POLR3B: variants seen among roughly 807,000 people sequenced by gnomAD.
POLR3B encodes the protein DNA-directed RNA polymerase III subunit RPC2.
POLR3B carries 96 observed loss-of-function variants against 147.4 expected under a neutral mutation model. The observed-to-expected ratio is 0.65, with a 90% CI of 0.55 to 0.77. The LOEUF is 0.77. Ranked by LOEUF, POLR3B falls within the 30% of genes least tolerant of loss-of-function variation. The pLI is 0.00. For synonymous variants in POLR3B, 461 were observed against 485.9 expected, an observed-to-expected ratio of 0.95 and a Z score of 0.67; for missense variants, 1,036 against 1,413.5, an observed-to-expected ratio of 0.73 and a Z score of 4.28.
At chr12:106,425,699 C>G (rs10778469) in intron 12 of POLR3B, among the ~76,000 whole-genome samples, 35,456 of 152,030 alleles carry the variant, frequency 0.23, 4,516 homozygotes, top group African/African-American at 0.32. Flanking sequence ...GTGGACACTT[C>G]TTGTGCCTGG....
chr12:106,506,903 G>A (rs948790212), intron 27 of POLR3B, among the ~76,000 whole-genome samples: 2 of 152,156 alleles, frequency 1.3e-5, no homozygotes, highest in Admixed American at 1.3e-4. Context: ...GGTTGAGTGG[G>A]AGGGAGCATG....
intron 19 of POLR3B, among the ~76,000 whole-genome samples, chr12:106,453,907 CCA>C (rs2037831929): frequency 1.3e-5 from 2 of 152,136 alleles, no homozygotes; most frequent in Admixed American, 6.6e-5. Context: ...CATTTTATCT[CCA>C]GTTTTTGGCA....
chr12:106,429,506 A>C (rs555906592), intron 13 of POLR3B, among the ~76,000 whole-genome samples: 1 of 152,274 alleles, frequency 6.6e-6, no homozygotes, highest in South Asian at 2.1e-4. Context: ...TAAATTTCAA[A>C]AATTTCTAAT....
chr12:106,379,998 G>A (rs780717960), intron 8 of POLR3B, 33 bp from the exon 9 acceptor site: 7 of 1,248,232 alleles, frequency 5.6e-6, no homozygotes, highest in Middle Eastern at 1.8e-4. Context: ...ACTAAGTGGG[G>A]ATGCAGTTTA....
intron 13 of POLR3B, 125 bp from the exon 14 acceptor site, chr12:106,430,148 T>G: frequency 1.3e-6 from 1 of 779,122 alleles, no homozygotes; most frequent in Non-Finnish European, 2.3e-6. Context: ...GATTTCTGAA[T>G]ATATGTCATG....
chr12:106,449,220 G>C (rs1476127590), intron 19 of POLR3B, among the ~76,000 whole-genome samples: 1 of 152,116 alleles, frequency 6.6e-6, no homozygotes, highest in Non-Finnish European at 1.5e-5. Context: ...TAATAATTTT[G>C]TACATGAAGC....
At chr12:106,505,980 C>T (rs1299247108) in intron 27 of POLR3B, among the ~76,000 whole-genome samples, 1 of 152,158 alleles carries the variant, frequency 6.6e-6, no homozygotes, top group Non-Finnish European at 1.5e-5. Context: ...TGAAGACTCT[C>T]GTCTGTAAGG....
chr12:106,381,979 C>G (rs932616276), intron 9 of POLR3B: 1 of 152,230 alleles, frequency 6.6e-6, no homozygotes, highest in African/African-American at 2.4e-5. Context: ...TGTAAACTGT[C>G]ACTGCGCTAG....
chr12:106,387,350 C>T (rs940969691), intron 9 of POLR3B, among the ~76,000 whole-genome samples: 3 of 152,130 alleles, frequency 2.0e-5, no homozygotes, highest in African/African-American at 7.2e-5. Context: ...ATTTAGGCGT[C>T]ATTTTTTTCC....
Position 106,496,096 on chromosome 12 carries a change from TG to T in POLR3B, c.2756del (p.Cys919LeufsTer11). The T allele has an allele frequency of 1.2e-6, 2 of 1,613,446 alleles. No individual in the cohort carries two copies. Among genetic ancestry groups the T allele is most frequent in the Non-Finnish European group, 1.7e-6 (2 of 1,179,328 alleles). On this transcript the variant is annotated frameshift_variant, in exon 24 of 28. Coordinates refer to ENST00000228347, the MANE Select transcript of POLR3B (RefSeq NM_018082.6). LOFTEE classifies it high-confidence loss of function. Reference protein sequence around the residue: ...LIVPQEDMPFCDSGICPDIIM... With the variant: ...LIVPQEDMPFXDSGICPDIIM... ...CGTCCCCCAGGAAGACATGCCATTTTGTGATTCTGGCATCTGTCCGGACATC... is the reference window on the plus strand; with the variant it reads ...CGTCCCCCAGGAAGACATGCCATTTTTGATTCTGGCATCTGTCCGGACATC...
Position 106,358,305 on chromosome 12 carries a change from G to A in POLR3B, c.72+354G>A, listed in dbSNP as rs1442212498. 3.4e-6 allele frequency: 4 copies of A among 1,193,512 alleles called. No homozygotes were observed. In the East Asian group the frequency reaches 1.9e-4, roughly 57 times the overall value. The allele number at this position is 1,193,512 out of a possible 1,614,324, so 73.9% of individuals were successfully genotyped here. Reference sequence around the variant, plus strand: ...CAGTCTTACAGAGGACACGGGGCCAGGGAGCTCAGGCCATTTGCATGAGGC... The same window carrying A: ...CAGTCTTACAGAGGACACGGGGCCAAGGAGCTCAGGCCATTTGCATGAGGC... On this transcript the variant is annotated intron_variant, in intron 1 of 27. Coordinates refer to ENST00000228347, the MANE Select transcript of POLR3B (RefSeq NM_018082.6).
At chr12:106,425,428 G>C (rs1238036058) in intron 12 of POLR3B, among the ~76,000 whole-genome samples, 3 of 152,186 alleles carry the variant, frequency 2.0e-5, no homozygotes, top group Non-Finnish European at 4.4e-5. Flanking sequence ...TGTTGGGAGA[G>C]CCTGGGGGAT....
chr12:106,433,424 C>T (rs900640828), intron 15 of POLR3B, among the ~76,000 whole-genome samples: 1 of 152,140 alleles, frequency 6.6e-6, no homozygotes, highest in African/African-American at 2.4e-5. Context: ...GTGATGGAGC[C>T]AGTGTTCAAA....
rs781386551 is a variant in POLR3B at position 106,496,049 on chromosome 12, C to T, written c.2714-6C>T. 1 of 1,566,498 alleles carries T rather than the reference C, an allele frequency of 6.4e-7. No homozygotes were observed. The highest frequency in any genetic ancestry group is 2.2e-5 in the East Asian group (1 of 44,674). On this transcript the variant is annotated splice_polypyrimidine_tract_variant and splice_region_variant and intron_variant, in intron 23 of 27. Coordinates refer to ENST00000228347, the MANE Select transcript of POLR3B (RefSeq NM_018082.6). The stretch of plus-strand genomic sequence containing the variant: ...TTTATGTGGCATGAAATCTTCTCTC[C>T]CCCAGGTGTTTGTGGCTTGATCGTC...
At position 106,507,651 on chromosome 12, in the gene POLR3B, C is replaced by G. The variant is rs541036210; in HGVS notation, c.3273-1769C>G. 2.8e-3 allele frequency: 1,022 copies of G among 371,370 alleles called. 4 individuals are homozygous for G. The highest frequency in any genetic ancestry group is 4.7e-3 in the Non-Finnish European group (873 of 187,314). The allele number at this position is 371,370 out of a possible 1,614,324, so 23.0% of individuals were successfully genotyped here. A position where few individuals can be genotyped will look rare whatever the true frequency, so the allele number is the denominator to read the frequency against. On this transcript the variant is annotated intron_variant, in intron 27 of 27. Transcript: ENST00000228347. ...ACCAAGTTTGTATTTGTACTGTTAA[C>G]GGATCAAATACAGGTTAAGCACCCT...
chr12:106,427,452 A>AAT (rs2037454760), intron 13 of POLR3B, 94 bp downstream of exon 13: 3 of 1,110,570 alleles, frequency 2.7e-6, no homozygotes, highest in Middle Eastern at 2.0e-4. Flanking sequence ...ATCCAGGTGA[A>AAT]ATATATATAT....
intron 18 of POLR3B, among the ~76,000 whole-genome samples, chr12:106,439,514 G>A (rs1326384635): frequency 6.6e-6 from 1 of 151,730 alleles, no homozygotes; most frequent in African/African-American, 2.4e-5. Context: ...GTGTGGTGAT[G>A]TACGCCTGTA....
At chr12:106,478,956 T>C (rs2038223176) in intron 23 of POLR3B, among the ~76,000 whole-genome samples, 1 of 152,156 alleles carries the variant, frequency 6.6e-6, no homozygotes, top group Non-Finnish European at 1.5e-5. Context: ...CTTCCTCGTG[T>C]TTTTGTGCCC....
Position 106,366,830 on chromosome 12 carries a change from C to T in POLR3B, c.227+108C>T, listed in dbSNP as rs141714081. The T allele has an allele frequency of 5.7e-4, 537 of 949,798 alleles. 1 individual carries two copies. The African/African-American group carries it at 7.6e-3, about 13-fold the overall frequency. 58.8% of individuals were successfully genotyped at this position (949,798 alleles called of 1,614,324 possible). A position where few individuals can be genotyped will look rare whatever the true frequency, so the allele number is the denominator to read the frequency against. ...TTAAAATCATTGTCTTGGCCAGGCT[C>T]GGTGGCTTATGCCTGTAATACCAAG... is the stretch of plus-strand genomic sequence containing the variant. On this transcript the variant is annotated intron_variant, in intron 4 of 27. Transcript: ENST00000228347.
Sources: allele counts gnomAD v4.1 joint callset (sites outside exome capture counted in the v4.1 genomes callset), GRCh38; gene constraint gnomAD v4.1.1; transcripts MANE v1.5; gene names NCBI Gene and HGNC (gene_info 2026-07-23, HGNC 2026-07-21).